ESPL1: variants seen among roughly 807,000 people sequenced by gnomAD.
The protein encoded by ESPL1 is separin.
A neutral mutation model predicts 217.2 loss-of-function variants in ESPL1; 50 were observed. The ratio of observed to expected loss-of-function variants is 0.23; its 90% CI spans 0.18 to 0.29. The LOEUF (loss-of-function observed/expected upper bound fraction) is 0.29. Ranked by LOEUF, ESPL1 falls within the 10% of genes least tolerant of loss-of-function variation. ESPL1 has a pLI of 1.00. For missense variants in ESPL1, 1,834 were observed against 2,603.0 expected (o/e 0.70, Z 6.43); for synonymous variants, 994 against 1,081.3 (o/e 0.92, Z 1.58).
rs1301995709 is a variant in ESPL1, at chr12:53,282,802, C to T, written c.2792-327C>T. Among the ~76,000 whole-genome samples the T allele has an allele frequency of 2.0e-5, 3 of 152,182 alleles. No homozygotes were observed. The highest frequency in any genetic ancestry group is 4.8e-5 in the African/African-American group (2 of 41,440). On this transcript the variant is annotated intron_variant, in intron 14 of 30. Coordinates refer to ENST00000257934, the MANE Select transcript of ESPL1 (RefSeq NM_012291.5). The surrounding 1 kb of genome is among the most constrained non-coding windows in gnomAD (Gnocchi z 4.0). Reference sequence around the variant, plus strand: ...CTGAGTAGCTGGGATTACTGGCATGCGCCACTACGCCCGACTAATTTTTGT... The same window carrying T: ...CTGAGTAGCTGGGATTACTGGCATGTGCCACTACGCCCGACTAATTTTTGT...
In ESPL1 at chr12:53,287,953, C is replaced by A. The variant is rs530332776; in HGVS notation, c.4177-19C>A. Reference sequence around the variant, plus strand: ...CACTGAAGACCTCTTAGCCCTTCACCCTTTCACTCTGATCTCAGGTGAACT... The same window carrying A: ...CACTGAAGACCTCTTAGCCCTTCACACTTTCACTCTGATCTCAGGTGAACT... On this transcript the variant is annotated intron_variant, in intron 18 of 30. Coordinates refer to ENST00000257934, the MANE Select transcript of ESPL1 (RefSeq NM_012291.5). 3.8e-6 allele frequency: 6 copies of A among 1,568,686 alleles called. No homozygotes were observed. The South Asian group carries it at 5.9e-5, about 16-fold the overall frequency.
rs889514884 is a variant in ESPL1 at position 53,283,453 on chromosome 12, C to T, written c.2992C>T (p.Leu998=). ...CTGCTCAGAGAAGCTGGTCTGCCAC[C>T]TGGGCCGCCTGGGTAGTGTGAGTGA... is the stretch of plus-strand genomic sequence containing the variant. ...LSCSEKLVCH[L]GRLGSVSEAK... is the part of the protein sequence containing the mutation. Residue 998 remains leucine, a synonymous_variant, in exon 16 of 31, where the codon CTG becomes TTG. Transcript: ENST00000257934. 6.2e-7 allele frequency: 1 copy of T among 1,614,160 alleles called. No homozygotes were observed. Among genetic ancestry groups the T allele is most frequent in the Non-Finnish European group, 8.5e-7 (1 of 1,180,002 alleles).
chr12:53,288,956 C>T (rs958506999), intron 20 of ESPL1, 134 bp from the exon 21 acceptor site: 6 of 778,492 alleles, frequency 7.7e-6, no homozygotes, highest in South Asian at 3.4e-5. Flanking sequence ...CCCCACTTGG[C>T]ACATTGCCCT....
Position 53,282,492 on chromosome 12 carries a change from C to T in ESPL1, c.2791+57C>T. ...ATGACATGTATGGTCTGTCTGCTGT[C>T]AGCTCTTCTCAAACCTCATCCCCTC... is the stretch of plus-strand genomic sequence containing the variant. On this transcript the variant is annotated intron_variant, in intron 14 of 30. Transcript: ENST00000257934. The surrounding 1 kb of genome is among the most constrained non-coding windows in gnomAD (Gnocchi z 4.0). 2.0e-6 allele frequency: 3 copies of T among 1,514,678 alleles called. No homozygotes were observed. The highest frequency in any genetic ancestry group is 2.7e-6 in the Non-Finnish European group (3 of 1,099,844). The allele number at this position is 1,514,678 out of a possible 1,614,324, so 93.8% of individuals were successfully genotyped here.
At chr12:53,280,175 T>A (rs1943838056) in intron 12 of ESPL1, among the ~76,000 whole-genome samples, 1 of 152,204 alleles carries the variant, frequency 6.6e-6, no homozygotes, top group Admixed American at 6.5e-5. Context: ...TATCACAGTG[T>A]CTCCTGGTTG....
At position 53,291,745 on chromosome 12, in the gene ESPL1, A is replaced by T. The variant is rs2121004117; in HGVS notation, c.5576A>T (p.Tyr1859Phe). ...LTPQDIQALA[Y>F]GLCPTQPERA... ...CCTCAGGACATTCAGGCCCTGGCCT[A>T]CGGGCTGTGCCCAACCCAGCCAGAG... Residue 1859 changes from tyrosine (Y) to phenylalanine (F), a missense_variant, in exon 26 of 31, where the codon TAC becomes TTC. Physicochemically the swap from Tyr to Phe is conservative, Grantham distance 22. Around this residue, in one of 5 missense-constraint regions of ESPL1, gnomAD observed 295 missense variants for 519.8 expected, o/e 0.57. Transcript: ENST00000257934. 6.2e-7 allele frequency: 1 copy of T among 1,613,978 alleles called. No individual in the cohort carries two copies. The highest frequency in any genetic ancestry group is 1.1e-5 in the South Asian group (1 of 91,058).
chr12:53,281,530 G>C lies in ESPL1; in HGVS notation c.2523G>C (p.Ser841=), dbSNP rs143458983. The C allele has an allele frequency of 3.3e-5, 54 of 1,613,638 alleles. No homozygotes were observed. Among genetic ancestry groups the C allele is most frequent in the Non-Finnish European group, 4.5e-5 (53 of 1,179,828 alleles). ...AGTTACACCTGGAAGAGGCAGCATC[G>C]AGCCTGAAGCATCTCGATCAGACTA... ...YAQLHLEEAA[S]SLKHLDQTTD... Residue 841 remains serine, a synonymous_variant, in exon 13 of 31, where the codon TCG becomes TCC. Transcript: ENST00000257934.
At chr12:53,290,286 A>G (rs1592497017) in intron 23 of ESPL1, 61 bp from the exon 24 acceptor site, 2 of 1,610,464 alleles carry the variant, frequency 1.2e-6, no homozygotes, top group East Asian at 4.5e-5. Context: ...TTCTGTGTTG[A>G]GGGAGGGAGA....
chr12:53,281,231 G>T lies in ESPL1; in HGVS notation c.2500-276G>T, dbSNP rs1465393559. On this transcript the variant is annotated intron_variant, in intron 12 of 30. Transcript: ENST00000257934. ...CCATTCACTGCAACCTCTGCCTCTCGGGTTCAAGTGATTCTCATGCCTCAG... is the reference window on the plus strand; with the variant it reads ...CCATTCACTGCAACCTCTGCCTCTCTGGTTCAAGTGATTCTCATGCCTCAG... Among the ~76,000 whole-genome samples the T allele has an allele frequency of 2.0e-5, 3 of 149,414 alleles. No individual in the cohort carries two copies. The South Asian group carries it at 6.4e-4, about 32-fold the overall frequency.
In ESPL1 at chr12:53,289,589, C is replaced by T; in HGVS notation, c.5108C>T (p.Pro1703Leu). The T allele has an allele frequency of 6.2e-7, 1 of 1,612,938 alleles. No individual in the cohort carries two copies. The highest frequency in any genetic ancestry group is 8.5e-7 in the Non-Finnish European group (1 of 1,179,570). The change falls in exon 22 of 31, where the codon CCC becomes CTC. Residue 1703 changes from proline (P) to leucine (L), a missense_variant. By Grantham distance (98) the Pro-to-Leu change is moderately conservative (BLOSUM62 -3). Coordinates refer to ENST00000257934, the MANE Select transcript of ESPL1 (RefSeq NM_012291.5). ...ESFQERLALI[P>L]SGVTVCVLAL... ...TTCCAGGAGCGCCTGGCTCTGATCC[C>T]CAGTGGTATGCGGGCAGCCTTCTGG...
chr12:53,289,361 CTT>C, intron 21 of ESPL1, 41 bp from the exon 22 acceptor site: 1 of 1,610,652 alleles, frequency 6.2e-7, no homozygotes, highest in Non-Finnish European at 8.5e-7. Flanking sequence ...AAGGTCCAGA[CTT>C]TGAAGGAATG....
chr12:53,277,280 C>A, intron 9 of ESPL1, 53 bp downstream of exon 9: 1 of 1,565,720 alleles, frequency 6.4e-7, no homozygotes, highest in African/African-American at 1.4e-5. Context: ...AATTACTGTC[C>A]CTGGGCCCCC....
chr12:53,290,565 C>A, intron 24 of ESPL1, 96 bp downstream of exon 24: 1 of 1,301,704 alleles, frequency 7.7e-7, no homozygotes, highest in Non-Finnish European at 1.1e-6. Context: ...GTGCTAAAGC[C>A]ACTTCAAATC....
chr12:53,286,621 G>A lies in ESPL1; in HGVS notation c.3885G>A (p.Gln1295=). The change falls in exon 18 of 31, where the codon CAG becomes CAA. Residue 1295 remains glutamine (Q), a synonymous_variant. Transcript: ENST00000257934. The surrounding 1 kb of genome is among the most constrained non-coding windows in gnomAD (Gnocchi z 5.3). ...TQLFASSWGW[Q]PPLIKSVPGS... is the part of the protein sequence containing the mutation. The stretch of plus-strand genomic sequence containing the variant: ...TTTTTGCAAGCTCCTGGGGCTGGCA[G>A]CCACCATTAATAAAAAGTGTCCCTG... The A allele has an allele frequency of 6.2e-7, 1 of 1,614,126 alleles. No homozygotes were observed. The highest frequency in any genetic ancestry group is 8.5e-7 in the Non-Finnish European group (1 of 1,180,030).
chr12:53,272,977 C>A, intron 6 of ESPL1, 120 bp downstream of exon 6: 1 of 927,026 alleles, frequency 1.1e-6, no homozygotes, highest in Non-Finnish European at 1.6e-6. Context: ...ATGTTGACAC[C>A]AGTATCTGGA....
chr12:53,276,507 T>C, intron 7 of ESPL1, 113 bp from the exon 8 acceptor site: 1 of 1,229,860 alleles, frequency 8.1e-7, no homozygotes, highest in South Asian at 1.6e-5. Context: ...TTTAAAGCCA[T>C]GACTGGAAAC....
At chr12:53,278,636 G>A (rs1212436974) in intron 11 of ESPL1, among the ~76,000 whole-genome samples, 1 of 150,592 alleles carries the variant, frequency 6.6e-6, no homozygotes, top group East Asian at 1.9e-4. Flanking sequence ...CTGTCGCCCA[G>A]GCTGGAGTGC....
rs1333482160 is a variant in ESPL1, at chr12:53,287,036, TC to T, written c.4176+126del. The T allele has an allele frequency of 2.9e-5, 27 of 928,798 alleles. No homozygotes were observed. In the East Asian group the frequency reaches 6.5e-4, roughly 22 times the overall value. 57.5% of individuals were successfully genotyped at this position (928,798 alleles called of 1,614,324 possible). ...CCCAGGGCCTAGTGGAACTTTAATC[TC>T]CTGCTATCTGCAGTACCCCAATATC... On this transcript the variant is annotated intron_variant, in intron 18 of 30. Coordinates refer to ENST00000257934, the MANE Select transcript of ESPL1 (RefSeq NM_012291.5).
rs1943865024 is a variant in ESPL1 at position 53,281,664 on chromosome 12, A to T, written c.2619+38A>T. On this transcript the variant is annotated intron_variant, in intron 13 of 30. Transcript: ENST00000257934. The stretch of plus-strand genomic sequence containing the variant: ...TTCTTAAACTCCGAAGGCCCTGGGT[A>T]TTAGAAAGAATTTAGGATTTTCTTG... The T allele has an allele frequency of 1.9e-6, 3 of 1,587,344 alleles. No individual in the cohort carries two copies. The African/African-American group carries it at 4.1e-5, about 22-fold the overall frequency.
Sources: gnomAD v4.1 joint callset for allele counts (sites outside exome capture counted in the v4.1 genomes callset) on GRCh38, gnomAD v4.1.1 for gene constraint, gnomAD v4.1.1 regional missense constraint, Gnocchi (gnomAD v3.1) non-coding constraint, MANE v1.5 for transcripts, NCBI Gene and HGNC (gene_info 2026-07-23, HGNC 2026-07-21) for gene names.